Variants in GLB1L3 observed in about 807,000 individuals in gnomAD.
The protein encoded by GLB1L3 is beta-galactosidase-1-like protein 3.
A neutral mutation model predicts 89.5 loss-of-function variants in GLB1L3; 89 were observed. The ratio of observed to expected loss-of-function variants is 0.99; its 90% confidence interval spans 0.84 to 1.19. The LOEUF is 1.19. Among genes scored for constraint, GLB1L3 ranks in the 50% most tolerant of loss-of-function variants. GLB1L3 has a pLI of 0.00. For synonymous variants in GLB1L3, 314 were observed against 312.3 expected (o/e 1.01, Z -0.06); for missense variants, 812 against 813.3 (o/e 1.00, Z 0.02).
intron 15 of GLB1L3, 141 bp downstream of exon 15, chr11:134,313,028 G>A (rs1488933865): frequency 4.3e-5 from 30 of 695,050 alleles, no homozygotes; most frequent in Non-Finnish European, 6.6e-5. Flanking sequence ...GAAGTGTGCA[G>A]GGCTGGAAGC....
At chr11:134,309,485 C>T in intron 10 of GLB1L3, 141 bp from the exon 11 acceptor site, 4 of 444,246 alleles carry the variant, frequency 9.0e-6, no homozygotes, top group Non-Finnish European at 1.2e-5. Context: ...AGTCTCCATT[C>T]CCAAGAATGT....
downstream of GLB1L3, among the ~76,000 whole-genome samples, chr11:134,324,405 C>T (rs986840935): frequency 6.6e-6 from 1 of 152,070 alleles, no homozygotes; most frequent in African/African-American, 2.4e-5. Flanking sequence ...TCTTTGGCAG[C>T]CAAAAAACTA....
intron 8 of GLB1L3, chr11:134,292,645 G>C (rs1941417157): frequency 4.5e-6 from 1 of 223,306 alleles, no homozygotes; most frequent in Non-Finnish European, 8.9e-6. Context: ...ACCGCCCAAG[G>C]CTCTGTGTGG....
In GLB1L3 at chr11:134,299,528, T is replaced by C. The variant is rs528246639; in HGVS notation, c.876+6319T>C. On this transcript the variant is annotated intron_variant, in intron 9 of 19. Transcript: ENST00000431683. ...TTGCTGTGTTATCCTTTGTGCATCA[T>C]GGGCTTCAAATGTTTCTGGTGGTAC... 5.9e-5 allele frequency among the ~76,000 whole-genome samples: 9 copies of C among 152,296 alleles called. No individual in the cohort carries two copies. The South Asian group carries it at 1.9e-3, about 32-fold the overall frequency.
intron 9 of GLB1L3, chr11:134,305,287 A>C (rs1591572336): frequency 1.5e-6 from 1 of 671,952 alleles, no homozygotes; most frequent in East Asian, 2.7e-5. Context: ...TCTGTAACTG[A>C]TAATAAATGG....
At chr11:134,309,503 C>T (rs573028) in intron 10 of GLB1L3, 123 bp from the exon 11 acceptor site, 461,031 of 552,020 alleles carry the variant, frequency 0.84, 194,421 homozygotes, top group Non-Finnish European at 0.87. Flanking sequence ...TGTATATAGC[C>T]GTGAAGCGAG....
Position 134,312,486 on chromosome 11 carries a change from A to G in GLB1L3, c.1425A>G (p.Ala475=), listed in dbSNP as rs758715432. Residue 475 remains alanine (A), a synonymous_variant, in exon 14 of 20, where the codon GCA becomes GCG. Transcript: ENST00000431683. ...GRLRAHAHDV[A]QVFLDETMIG... ...TCCGTGCCCACGCTCATGACGTGGC[A>G]CAGGTAGGGCCAGCAGGCTGTCTGT... 2.5e-6 allele frequency: 4 copies of G among 1,611,224 alleles called. No individual in the cohort carries two copies.
At chr11:134,323,973 C>G (rs1439008130), downstream of GLB1L3, among the ~76,000 whole-genome samples, 1 of 152,190 alleles carries the variant, frequency 6.6e-6, no homozygotes, top group East Asian at 1.9e-4. Flanking sequence ...AAATACAGAG[C>G]TAAAAGTCGT....
Position 134,281,351 on chromosome 11 carries a change from T to C in GLB1L3, c.363-26T>C. 4 of 1,613,786 alleles carry C rather than the reference T, an allele frequency of 2.5e-6. No individual in the cohort carries two copies. In the South Asian group the frequency reaches 3.3e-5, roughly 13 times the overall value. The stretch of plus-strand genomic sequence containing the variant: ...GGAGGAAGAAATAAGAAGATACTCA[T>C]CATACTTCCCTCTCACCTCTTCTAG... On this transcript the variant is annotated intron_variant, in intron 3 of 19. Transcript: ENST00000431683.
chr11:134,305,776 T>C (rs1409678968), intron 9 of GLB1L3, among the ~76,000 whole-genome samples: 1 of 152,120 alleles, frequency 6.6e-6, no homozygotes, highest in African/African-American at 2.4e-5. Context: ...AGATTATACC[T>C]GAACAAGAGT....
chr11:134,293,178 A>G lies in GLB1L3; in HGVS notation c.845A>G (p.Gln282Arg), dbSNP rs762003067. The change falls in exon 9 of 20, where the codon CAG becomes CGG. Residue 282 changes from glutamine (Q) to arginine (R), a missense_variant. Transcript: ENST00000431683. ...LAAINLQKLH[Q>R]DTFNQLHKVQ... ...GCCATCAATTTGCAAAAACTTCACC[A>G]GGATACTTTCAATCAGCTTCATAAA... is the stretch of plus-strand genomic sequence containing the variant. 3.7e-6 allele frequency: 6 copies of G among 1,613,868 alleles called. No homozygotes were observed. Among genetic ancestry groups the G allele is most frequent in the Non-Finnish European group, 4.2e-6 (5 of 1,179,816 alleles).
In GLB1L3 at chr11:134,318,909, A is replaced by G; in HGVS notation, c.1929A>G (p.Ser643=). 1 of 1,613,216 alleles carries G rather than the reference A, an allele frequency of 6.2e-7. No individual in the cohort carries two copies. Among genetic ancestry groups the G allele is most frequent in the Non-Finnish European group, 8.5e-7 (1 of 1,179,620 alleles). The part of the protein sequence containing the change: ...VILFEKMMSG[S]DIKSTDKPTL The stretch of plus-strand genomic sequence containing the variant: ...TGTTTGAGAAGATGATGAGTGGCTC[A>G]GATATCAAATCTACAGACAAGCCCA... Residue 643 remains serine, a synonymous_variant, in exon 20 of 20, where the codon TCA becomes TCG. Transcript: ENST00000431683.
chr11:134,310,098 AG>A, intron 11 of GLB1L3: 2 of 407,512 alleles, frequency 4.9e-6, no homozygotes, highest in Admixed American at 7.4e-5. Flanking sequence ...GACTGAGCAA[AG>A]AAAAGAGTAC....
rs1942478194 is a variant in GLB1L3 at position 134,308,476 on chromosome 11, A to T, written c.962-1150A>T. On this transcript the variant is annotated intron_variant, in intron 10 of 19. Transcript: ENST00000431683. The stretch of plus-strand genomic sequence containing the variant: ...ACCACCACCACCACCACCACCAAAT[A>T]CCACCACCACCATCACCACCAAATA... Among the ~76,000 whole-genome samples the T allele has an allele frequency of 8.0e-4, 4 of 4,994 alleles. 1 individual carries two copies. The highest frequency in any genetic ancestry group is 2.3e-3 in the Admixed American group (1 of 434). 3.3% of individuals were successfully genotyped at this position (4,994 alleles called of 152,430 possible). A position where few individuals can be genotyped will look rare whatever the true frequency, so the allele number is the denominator to read the frequency against.
intron 13 of GLB1L3, 129 bp downstream of exon 13, chr11:134,311,299 G>A (rs1942723850): frequency 1.3e-6 from 1 of 752,408 alleles, no homozygotes; most frequent in Non-Finnish European, 2.3e-6. Flanking sequence ...TAGAACTGTG[G>A]GACAAGAGCC....
intron 9 of GLB1L3, among the ~76,000 whole-genome samples, chr11:134,300,958 G>C (rs935862295): frequency 1.3e-5 from 2 of 152,156 alleles, no homozygotes; most frequent in African/African-American, 2.4e-5. Context: ...GACTTGCCCG[G>C]GATTCTCCCG....
At chr11:134,289,909 G>A (rs1016739518) in intron 7 of GLB1L3, among the ~76,000 whole-genome samples, 1 of 152,228 alleles carries the variant, frequency 6.6e-6, no homozygotes, top group Non-Finnish European at 1.5e-5. Context: ...AGAGTGCAGG[G>A]CTGCAGGGTT....
downstream of GLB1L3, among the ~76,000 whole-genome samples, chr11:134,320,745 A>C (rs550105999): frequency 4.8e-3 from 726 of 152,284 alleles, 4 homozygotes; most frequent in Non-Finnish European, 8.0e-3. Flanking sequence ...AAACAAAAAA[A>C]AAAAACAAAA....
intron 10 of GLB1L3, among the ~76,000 whole-genome samples, chr11:134,308,213 ACC>A (rs1942330012): frequency 3.6e-5 from 1 of 27,410 alleles, no homozygotes; most frequent in Non-Finnish European, 7.8e-5. Context: ...TACCACCACC[ACC>A]ATCACCATCA....
Sources: gnomAD v4.1 joint callset for allele counts (sites outside exome capture counted in the v4.1 genomes callset) on GRCh38, gnomAD v4.1.1 for gene constraint, MANE v1.5 for transcripts, NCBI Gene and HGNC (gene_info 2026-07-23, HGNC 2026-07-21) for gene names.